The following DIAPH3 variants were observed in gnomAD, a reference collection of about 807,000 sequenced individuals.
DIAPH3 encodes protein diaphanous homolog 3.
Under a neutral mutation model 144.3 loss-of-function variants are expected in DIAPH3, and 117 were observed. That is an observed-to-expected ratio of 0.81 (90% CI 0.70 to 0.95). The LOEUF is 0.95. DIAPH3 is among the 40% of genes least tolerant of loss of function. The pLI is 0.00. For missense variants in DIAPH3, 1,421 were observed against 1,412.7 expected (o/e 1.01, Z -0.09); for synonymous variants, 519 against 488.9 (o/e 1.06, Z -0.81).
chr13:59,861,276 T>C (rs1012784798), intron 22 of DIAPH3, 131 bp downstream of exon 22: 1 of 1,550,556 alleles, frequency 6.4e-7, no homozygotes, highest in Non-Finnish European at 8.7e-7. Context: ...ACTCTCTTTA[T>C]TTTTAAAATG....
chr13:59,956,003 G>C (rs913361931), intron 17 of DIAPH3, among the ~76,000 whole-genome samples: 19 of 152,302 alleles, frequency 1.2e-4, no homozygotes, highest in Non-Finnish European at 2.8e-4. Context: ...TTCAAGATGT[G>C]ACTTGGGTGC....
At chr13:60,030,121 C>G (rs748639790) in intron 5 of DIAPH3, among the ~76,000 whole-genome samples, 1 of 152,188 alleles carries the variant, frequency 6.6e-6, no homozygotes, top group South Asian at 2.1e-4. Context: ...AAAAACCTCT[C>G]CATTAATTAC....
chr13:59,743,301 GA>G (rs1276523717), intron 27 of DIAPH3, among the ~76,000 whole-genome samples: 2 of 152,180 alleles, frequency 1.3e-5, no homozygotes, highest in African/African-American at 4.8e-5. Flanking sequence ...GGCACTCAAA[GA>G]GACGGAAGAC....
At chr13:59,771,586 T>C (rs1272684189) in intron 27 of DIAPH3, among the ~76,000 whole-genome samples, 1 of 152,054 alleles carries the variant, frequency 6.6e-6, no homozygotes, top group African/African-American at 2.4e-5. Flanking sequence ...AATGTATGCA[T>C]ATAAGTCACC....
intron 18 of DIAPH3, among the ~76,000 whole-genome samples, 191 bp from the exon 19 acceptor site, chr13:59,916,440 G>C (rs1028346127): frequency 6.6e-6 from 1 of 152,026 alleles, no homozygotes; most frequent in African/African-American, 2.4e-5. Flanking sequence ...TCTAGTTTTA[G>C]AACTAGTGTT....
At chr13:60,048,358 A>G (rs1050208110) in intron 4 of DIAPH3, among the ~76,000 whole-genome samples, 6 of 152,262 alleles carry the variant, frequency 3.9e-5, no homozygotes, top group Non-Finnish European at 8.8e-5. Context: ...AAGAACTCCT[A>G]TAACTCAATA....
At chr13:59,736,760 T>C (rs1296604241) in intron 27 of DIAPH3, among the ~76,000 whole-genome samples, 6 of 152,038 alleles carry the variant, frequency 3.9e-5, no homozygotes, top group South Asian at 2.1e-4. Context: ...CTTCAAACTA[T>C]ACAACAGGGC....
chr13:60,048,878 C>A (rs2056205204), intron 4 of DIAPH3, among the ~76,000 whole-genome samples: 1 of 146,460 alleles, frequency 6.8e-6, no homozygotes, highest in Non-Finnish European at 1.5e-5. Flanking sequence ...ATACTATCAC[C>A]CTGGAAGATG....
intron 8 of DIAPH3, 117 bp from the exon 9 acceptor site, chr13:60,008,766 G>C: frequency 1.4e-6 from 1 of 735,324 alleles, no homozygotes; most frequent in Non-Finnish European, 2.5e-6. Flanking sequence ...TTTAGAAGTA[G>C]ATTACTGAGT....
chr13:60,017,446 TA>T lies in DIAPH3; in HGVS notation c.627-1302del, dbSNP rs1238324935. Among the ~76,000 whole-genome samples the T allele has an allele frequency of 2.7e-5, 4 of 150,056 alleles. 1 individual carries two copies. Among genetic ancestry groups the T allele is most frequent in the Non-Finnish European group, 5.9e-5 (4 of 67,462 alleles). ...TCAAGGAATGAAAAACAGAACACTA[TA>T]AAGAATAAAAACAAGCTTAAGTCAT... On this transcript the variant is annotated intron_variant, in intron 5 of 27. Coordinates refer to ENST00000400324, the MANE Select transcript of DIAPH3 (RefSeq NM_001042517.2).
In DIAPH3 at chr13:59,724,625, C is replaced by T. The variant is rs2035517778; in HGVS notation, c.3319+49564G>A. Reference sequence around the variant, plus strand: ...AATAAATCACAGTATTAACTTTTCACTTCTTCATCCTTAAAAAGATAAGCT... The same window carrying T: ...AATAAATCACAGTATTAACTTTTCATTTCTTCATCCTTAAAAAGATAAGCT... On this transcript the variant is annotated intron_variant, in intron 27 of 27. Coordinates refer to ENST00000400324, the MANE Select transcript of DIAPH3 (RefSeq NM_001042517.2). 2.6e-5 allele frequency among the ~76,000 whole-genome samples: 4 copies of T among 152,308 alleles called. No individual in the cohort carries two copies. In the South Asian group the frequency reaches 8.3e-4, roughly 32 times the overall value.
intron 3 of DIAPH3, among the ~76,000 whole-genome samples, chr13:60,104,816 G>A (rs1425427771): frequency 6.6e-6 from 1 of 152,152 alleles, no homozygotes; most frequent in Non-Finnish European, 1.5e-5. Flanking sequence ...GATTGGCCAG[G>A]CGCGGTGGCT....
Position 59,903,032 on chromosome 13 carries a change from T to C in DIAPH3, c.2367+8703A>G, listed in dbSNP as rs552182487. Among the ~76,000 whole-genome samples, 42 of 152,260 alleles carry C rather than the reference T, an allele frequency of 2.8e-4. No individual in the cohort carries two copies. The South Asian group carries it at 7.3e-3, about 26-fold the overall frequency. ...GCAGTGGATGAATGGAACTTCTCTT[T>C]TCCAGGAAGAGAAGACAGTAGATTC... On this transcript the variant is annotated intron_variant, in intron 20 of 27. Coordinates refer to ENST00000400324, the MANE Select transcript of DIAPH3 (RefSeq NM_001042517.2).
chr13:59,887,792 A>T (rs1162298287), intron 20 of DIAPH3, among the ~76,000 whole-genome samples: 1 of 152,092 alleles, frequency 6.6e-6, no homozygotes, highest in Admixed American at 6.6e-5. Flanking sequence ...AATTTATTCA[A>T]AGAGGAGTGT....
At chr13:59,899,866 T>A (rs2046335756) in intron 20 of DIAPH3, among the ~76,000 whole-genome samples, 1 of 130,882 alleles carries the variant, frequency 7.6e-6, no homozygotes, top group African/African-American at 2.6e-5. Flanking sequence ...AGTTGAAATT[T>A]CAAACTTTTT....
intron 17 of DIAPH3, among the ~76,000 whole-genome samples, chr13:59,948,256 A>G (rs952231615): frequency 4.6e-5 from 7 of 152,124 alleles, no homozygotes; most frequent in Non-Finnish European, 2.9e-5. Flanking sequence ...ATTTTCCATT[A>G]TTTCATCCCA....
chr13:60,153,914 C>T (rs1951910301), intron 1 of DIAPH3, among the ~76,000 whole-genome samples: 1 of 151,742 alleles, frequency 6.6e-6, no homozygotes, highest in East Asian at 1.9e-4. Flanking sequence ...ACATTTGTAC[C>T]CCAAGTTTCA....
intron 25 of DIAPH3, among the ~76,000 whole-genome samples, chr13:59,778,364 T>C (rs574350302): frequency 1.2e-3 from 190 of 152,350 alleles, no homozygotes; most frequent in African/African-American, 3.9e-3. Flanking sequence ...GGATTATAGA[T>C]TTCATTTATC....
At chr13:59,786,776 A>G (rs2039053825) in intron 25 of DIAPH3, among the ~76,000 whole-genome samples, 1 of 152,218 alleles carries the variant, frequency 6.6e-6, no homozygotes, top group South Asian at 2.1e-4. Context: ...GAGAGGGGGT[A>G]GAGAAGGTGG....
Sources: allele counts gnomAD v4.1 joint callset (sites outside exome capture counted in the v4.1 genomes callset), GRCh38; gene constraint gnomAD v4.1.1; transcripts MANE v1.5; gene names NCBI Gene and HGNC (gene_info 2026-07-23, HGNC 2026-07-21).